Variants in AP3B1 observed in about 807,000 individuals in gnomAD.
AP3B1 encodes AP-3 complex subunit beta-1.
A neutral mutation model predicts 132.5 loss-of-function variants in AP3B1; 61 were observed. That is an observed-to-expected ratio of 0.46 (90% CI 0.37 to 0.57). The LOEUF is 0.57. Ranked by LOEUF, AP3B1 falls within the 20% of genes least tolerant of loss-of-function variation. AP3B1 has a pLI of 0.00. For missense variants in AP3B1, 1,120 were observed against 1,289.4 expected (o/e 0.87, Z 2.01); for synonymous variants, 388 against 438.3 (o/e 0.89, Z 1.43).
intron 2 of AP3B1, among the ~76,000 whole-genome samples, chr5:78,265,845 T>A (rs1034073363): frequency 6.6e-6 from 1 of 152,260 alleles, no homozygotes; most frequent in Non-Finnish European, 1.5e-5. Flanking sequence ...ACTTCATTTA[T>A]ATTCTACCTG....
At chr5:78,126,088 G>GAA (rs139840021) in intron 17 of AP3B1, among the ~76,000 whole-genome samples, 2 of 138,510 alleles carry the variant, frequency 1.4e-5, no homozygotes, top group African/African-American at 5.2e-5. Context: ...ACCCCATAAT[G>GAA]AAAAAAAAAA....
chr5:78,117,259 C>A (rs1751891532), intron 17 of AP3B1, among the ~76,000 whole-genome samples: 1 of 150,248 alleles, frequency 6.7e-6, no homozygotes, highest in African/African-American at 2.5e-5. Flanking sequence ...GTTGGTCTAT[C>A]CCTGGTAGAA....
At chr5:78,017,788 G>T (rs920430945) in intron 25 of AP3B1, among the ~76,000 whole-genome samples, 4 of 151,874 alleles carry the variant, frequency 2.6e-5, no homozygotes, top group Non-Finnish European at 5.9e-5. Context: ...ATATAATAAA[G>T]GTAAAATCAC....
intron 21 of AP3B1, among the ~76,000 whole-genome samples, chr5:78,095,013 T>C (rs915557260): frequency 1.2e-4 from 18 of 152,312 alleles, no homozygotes; most frequent in African/African-American, 3.6e-4. Flanking sequence ...ACTCAAAAGT[T>C]AAATTTTGAT....
intron 18 of AP3B1, among the ~76,000 whole-genome samples, chr5:78,115,682 C>A (rs3797667): frequency 6.6e-6 from 1 of 152,128 alleles, no homozygotes; most frequent in East Asian, 1.9e-4. Flanking sequence ...ATAATTTTAG[C>A]TTTATCTCTA....
chr5:78,101,448 T>A (rs371886149), intron 20 of AP3B1: 1 of 340,384 alleles, frequency 2.9e-6, no homozygotes, highest in African/African-American at 2.2e-5. Context: ...TTGTGATAGG[T>A]CAGCCTTTTC....
In AP3B1 at chr5:78,104,525, ACCC is replaced by A. The variant is rs539438176; in HGVS notation, c.2398-3503_2398-3501del. On this transcript the variant is annotated intron_variant, in intron 20 of 26. Transcript: ENST00000255194. ...CAAGGCTTTGCATTATAACAGTAAAACCCAATATTCTTCAATATTTATAAAAGT... is the reference window on the plus strand; with the variant it reads ...CAAGGCTTTGCATTATAACAGTAAAAAATATTCTTCAATATTTATAAAAGT... Among the ~76,000 whole-genome samples, 121 of 152,248 alleles carry A rather than the reference ACCC, an allele frequency of 7.9e-4. 3 individuals carry two copies. The East Asian group carries it at 0.02, about 25-fold the overall frequency.
In AP3B1 at chr5:78,113,884, C is replaced by T; in HGVS notation, c.2117G>A (p.Ser706Asn). 6.2e-7 allele frequency: 1 copy of T among 1,614,236 alleles called. No individual in the cohort carries two copies. Among genetic ancestry groups the T allele is most frequent in the Non-Finnish European group, 8.5e-7 (1 of 1,180,040 alleles). Reference sequence around the variant, plus strand: ...CTCATTGCTGTCTCCTTCCTCCCCACTTTCGCCTTGTTCTCCACTTTCACT... The same window carrying T: ...CTCATTGCTGTCTCCTTCCTCCCCATTTTCGCCTTGTTCTCCACTTTCACT... The part of the protein sequence containing the change: ...SGSESGEQGE[S>N]GEEGDSNEDS... The change falls in exon 19 of 27, where the codon AGT becomes AAT. Residue 706 changes from serine (S) to asparagine (N), a missense_variant. By Grantham distance (46) the Ser-to-Asn change is conservative (BLOSUM62 1). This residue lies in a region of AP3B1 where 906 missense variants were observed against 997.1 expected (regional missense o/e 0.91). Transcript: ENST00000255194.
At position 78,006,880 on chromosome 5, in the gene AP3B1, T is replaced by G. The variant is rs564097692; in HGVS notation, c.3132-3825A>C. Among the ~76,000 whole-genome samples, 25 of 152,362 alleles carry G rather than the reference T, an allele frequency of 1.6e-4. No individual in the cohort carries two copies. In the East Asian group the frequency reaches 4.2e-3, roughly 26 times the overall value. ...TATCTCCAGCAATTGACATTTAATCTTTGAAGCCTATAGGAATTCTTAAGA... is the reference window on the plus strand; with the variant it reads ...TATCTCCAGCAATTGACATTTAATCGTTGAAGCCTATAGGAATTCTTAAGA... On this transcript the variant is annotated intron_variant, in intron 26 of 26. Coordinates refer to ENST00000255194, the MANE Select transcript of AP3B1 (RefSeq NM_003664.5).
At position 78,177,522 on chromosome 5, in the gene AP3B1, C is replaced by G. The variant is rs1457255629; in HGVS notation, c.943-86G>C. On this transcript the variant is annotated intron_variant, in intron 8 of 26. Coordinates refer to ENST00000255194, the MANE Select transcript of AP3B1 (RefSeq NM_003664.5). ...AATCCATTCCTACACATTATTTCCT[C>G]TAAGTCCTACAAATTCCTGTGACGT... 6.1e-6 allele frequency: 6 copies of G among 987,152 alleles called. No homozygotes were observed. In the Admixed American group the frequency reaches 8.8e-5, roughly 14 times the overall value. 61.1% of individuals were successfully genotyped at this position (987,152 alleles called of 1,614,324 possible).
At chr5:78,287,262 A>G (rs1383767871) in intron 1 of AP3B1, among the ~76,000 whole-genome samples, 1 of 152,176 alleles carries the variant, frequency 6.6e-6, no homozygotes, top group Non-Finnish European at 1.5e-5. Context: ...ATTTTACCAG[A>G]TCAGTGATTT....
intron 15 of AP3B1, among the ~76,000 whole-genome samples, chr5:78,135,035 G>A (rs1752853565): frequency 1.3e-5 from 2 of 152,170 alleles, no homozygotes; most frequent in African/African-American, 2.4e-5. Context: ...TGTCACTTCA[G>A]AGTGTCCAAG....
intron 11 of AP3B1, among the ~76,000 whole-genome samples, chr5:78,166,547 T>G (rs1743637482): frequency 6.6e-6 from 1 of 152,040 alleles, no homozygotes; most frequent in African/African-American, 2.4e-5. Flanking sequence ...ATGTGTAATC[T>G]CCAATGGGCT....
intron 22 of AP3B1, among the ~76,000 whole-genome samples, chr5:78,083,462 T>C (rs1750101176): frequency 6.6e-6 from 1 of 152,210 alleles, no homozygotes; most frequent in East Asian, 1.9e-4. Flanking sequence ...TTGTCTTTTT[T>C]CCCCCTATTC....
At chr5:78,140,611 C>T (rs12516210) in intron 15 of AP3B1, among the ~76,000 whole-genome samples, 36,730 of 152,018 alleles carry the variant, frequency 0.24, 4,695 homozygotes, top group African/African-American at 0.31. Context: ...ACCCTTATGA[C>T]CTAATCACCT....
At chr5:78,010,934 CT>C (rs1746594590) in intron 26 of AP3B1, among the ~76,000 whole-genome samples, 1 of 151,712 alleles carries the variant, frequency 6.6e-6, no homozygotes, top group South Asian at 2.1e-4. Context: ...TTAATAAATG[CT>C]TTTTGATGAT....
intron 25 of AP3B1, among the ~76,000 whole-genome samples, chr5:78,018,347 C>T (rs147090976): frequency 1.3e-3 from 196 of 151,836 alleles, no homozygotes; most frequent in East Asian, 7.1e-3. Context: ...AAAGTTTAGC[C>T]ATGAAACCCT....
At chr5:78,015,664 T>C in intron 25 of AP3B1, 116 bp from the exon 26 acceptor site, 1 of 938,512 alleles carries the variant, frequency 1.1e-6, no homozygotes, top group Non-Finnish European at 1.6e-6. Context: ...AACACTACTT[T>C]AGGATGTAAT....
chr5:78,104,929 G>A (rs1029304759), intron 20 of AP3B1, among the ~76,000 whole-genome samples: 4 of 152,086 alleles, frequency 2.6e-5, no homozygotes, highest in Admixed American at 1.3e-4. Context: ...ACACTGCTAC[G>A]TATATACAGT....
Sources: allele counts gnomAD v4.1 joint callset (sites outside exome capture counted in the v4.1 genomes callset), GRCh38; gene constraint gnomAD v4.1.1; regional missense constraint gnomAD v4.1.1; transcripts MANE v1.5; gene names NCBI Gene and HGNC (gene_info 2026-07-23, HGNC 2026-07-21).